Variants in VPS8 observed in about 807,000 individuals in gnomAD.
VPS8 encodes the protein vacuolar protein sorting-associated protein 8 homolog.
In VPS8, 129 loss-of-function variants were observed where a neutral mutation model predicts 216.4. The ratio of observed to expected loss-of-function variants is 0.60; its 90% confidence interval spans 0.52 to 0.69. The LOEUF (loss-of-function observed/expected upper bound fraction) is 0.69. Ranked by LOEUF, VPS8 falls within the 30% of genes least tolerant of loss-of-function variation. The pLI is 0.00. For synonymous variants in VPS8, 571 were observed against 565.4 expected, an observed-to-expected ratio of 1.01 and a Z score of -0.14; for missense variants, 1,531 against 1,683.5, an observed-to-expected ratio of 0.91 and a Z score of 1.59.
chr3:184,918,314 A>G (rs967387551), intron 28 of VPS8, among the ~76,000 whole-genome samples: 2 of 152,224 alleles, frequency 1.3e-5, no homozygotes, highest in Non-Finnish European at 2.9e-5. Context: ...TTTTTGAAGT[A>G]CTACAAAAAT....
intron 46 of VPS8, among the ~76,000 whole-genome samples, chr3:185,034,622 TTG>T (rs1758630578): frequency 8.5e-5 from 13 of 152,128 alleles, no homozygotes; most frequent in Admixed American, 4.6e-4. Flanking sequence ...GTTGTTGTTG[TTG>T]TTGTTGTTGT....
At chr3:184,996,185 T>C (rs1295192932) in intron 43 of VPS8, 147 bp from the exon 44 acceptor site, 1 of 965,152 alleles carries the variant, frequency 1.0e-6, no homozygotes, top group African/African-American at 1.6e-5. Flanking sequence ...TGTTTTTTTG[T>C]TTCAACAATG....
At chr3:184,865,770 C>T (rs1023045310) in intron 16 of VPS8, among the ~76,000 whole-genome samples, 5 of 152,024 alleles carry the variant, frequency 3.3e-5, no homozygotes, top group Admixed American at 1.3e-4. Flanking sequence ...GGAGGATCAC[C>T]TGAGGTCAGG....
intron 24 of VPS8, 66 bp from the exon 25 acceptor site, chr3:184,900,855 A>G (rs978553048): frequency 1.4e-6 from 2 of 1,400,056 alleles, no homozygotes; most frequent in Admixed American, 2.1e-5. Flanking sequence ...ATAGCATAAG[A>G]TTCTTATTTT....
In VPS8 at chr3:184,855,853, C is replaced by A. The variant is rs767541675; in HGVS notation, c.1143+35C>A. 33 of 1,532,504 alleles carry A rather than the reference C, an allele frequency of 2.2e-5. No individual in the cohort carries two copies. In the East Asian group the frequency reaches 6.9e-4, roughly 32 times the overall value. 94.9% of individuals were successfully genotyped at this position (1,532,504 alleles called of 1,614,324 possible). On this transcript the variant is annotated intron_variant, in intron 14 of 47. Coordinates refer to ENST00000625842, the MANE Select transcript of VPS8 (RefSeq NM_001009921.3). ...AATATGACCATTAGAAAGCCTCTTA[C>A]AATTTTTTTTATTCATCAGCAATTA...
intron 14 of VPS8, among the ~76,000 whole-genome samples, chr3:184,859,124 TAATCGTTGA>T (rs1028834856): frequency 1.4e-4 from 21 of 152,218 alleles, no homozygotes; most frequent in African/African-American, 4.8e-4. Context: ...TTTCTGCTGT[TAATCGTTGA>T]TCTCTTTCAA....
intron 2 of VPS8, 120 bp downstream of exon 2, chr3:184,824,905 ATTTTTT>A (rs71298576): frequency 1.8e-5 from 12 of 681,590 alleles, no homozygotes; most frequent in Non-Finnish European, 2.5e-5. Context: ...TCTGTGTATA[ATTTTTT>A]TTTTTTTTTT....
intron 21 of VPS8, among the ~76,000 whole-genome samples, chr3:184,875,558 G>A (rs188991172): frequency 6.6e-5 from 10 of 152,068 alleles, no homozygotes; most frequent in African/African-American, 2.2e-4. Context: ...CCTCATATGC[G>A]TTTATATATG....
Position 184,953,353 on chromosome 3 carries a change from G to A in VPS8, c.3036-4021G>A, listed in dbSNP as rs766395343. 6.4e-4 allele frequency among the ~76,000 whole-genome samples: 97 copies of A among 152,286 alleles called. 2 individuals carry two copies. Among genetic ancestry groups the A allele is most frequent in the Non-Finnish European group, 5.6e-4 (38 of 68,024 alleles). On this transcript the variant is annotated intron_variant, in intron 36 of 47. Transcript: ENST00000625842. ...TTATACATTGATTTGGCTTAAAAAGGTGGGATATCTTGAAGTGGGGGTCCT... is the reference window on the plus strand; with the variant it reads ...TTATACATTGATTTGGCTTAAAAAGATGGGATATCTTGAAGTGGGGGTCCT...
chr3:184,923,637 A>G (rs1004133759), intron 29 of VPS8, among the ~76,000 whole-genome samples: 13 of 152,186 alleles, frequency 8.5e-5, no homozygotes, highest in Admixed American at 2.0e-4. Context: ...TACATTCTAG[A>G]TTCCTTAGGA....
intron 40 of VPS8, among the ~76,000 whole-genome samples, chr3:184,981,590 C>A (rs185972351): frequency 2.8e-4 from 43 of 152,020 alleles, no homozygotes; most frequent in Non-Finnish European, 4.7e-4. Context: ...CCTGCCACCA[C>A]GCCTGGCTAA....
chr3:184,813,204 C>T (rs777727736), intron 1 of VPS8, among the ~76,000 whole-genome samples: 14 of 152,100 alleles, frequency 9.2e-5, no homozygotes, highest in African/African-American at 2.7e-4. Flanking sequence ...AAGCAGGCCC[C>T]CTCCACTTCT....
chr3:184,941,926 G>A (rs1742780524), intron 36 of VPS8, among the ~76,000 whole-genome samples: 1 of 151,798 alleles, frequency 6.6e-6, no homozygotes, highest in African/African-American at 2.4e-5. Flanking sequence ...AACAGTATTA[G>A]GTAATGTAAA....
intron 46 of VPS8, among the ~76,000 whole-genome samples, chr3:185,045,164 T>C (rs1002468715): frequency 2.1e-4 from 9 of 42,278 alleles, no homozygotes; most frequent in African/African-American, 9.6e-4. Context: ...TCCACCTTCA[T>C]TGCCACCAGT....
intron 39 of VPS8, among the ~76,000 whole-genome samples, chr3:184,969,786 C>T (rs1251261018): frequency 2.0e-5 from 3 of 151,654 alleles, no homozygotes; most frequent in African/African-American, 7.3e-5. Flanking sequence ...GAAGAGCATT[C>T]CCCCAAAATC....
In VPS8 at chr3:184,971,747, C is replaced by A. The variant is rs368087744; in HGVS notation, c.3415C>A (p.Arg1139Ser). The A allele has an allele frequency of 3.1e-6, 5 of 1,612,024 alleles. No homozygotes were observed. The African/African-American group carries it at 6.7e-5, about 22-fold the overall frequency. The change falls in exon 40 of 48, where the codon CGT (arginine) becomes AGT (serine). Residue 1139 changes from arginine (R) to serine (S), a missense_variant. Arg to Ser is a moderately radical substitution (Grantham distance 110). Around this residue, in one of 3 missense-constraint regions of VPS8, gnomAD observed 1,318 missense variants for 1,468.4 expected, o/e 0.90. Transcript: ENST00000625842. ...TTCACATAATTTGAACCAGCAGCAA[C>A]GTGAGGTAGGAGAATGACTGTTTAG... ...RNSHNLNQQQ[R>S]EALWFPLLEA...
At chr3:184,860,411 A>G (rs1560422726) in intron 15 of VPS8, among the ~76,000 whole-genome samples, 1 of 151,154 alleles carries the variant, frequency 6.6e-6, no homozygotes, top group African/African-American at 2.4e-5. Context: ...ATACGTATAT[A>G]TGTATATATA....
intron 30 of VPS8, among the ~76,000 whole-genome samples, chr3:184,925,934 C>G (rs980725179): frequency 1.3e-5 from 2 of 151,088 alleles, no homozygotes; most frequent in Non-Finnish European, 3.0e-5. Flanking sequence ...CCACCACGCC[C>G]GGCTAATTTC....
At chr3:184,851,342 A>C (rs1335889881) in intron 10 of VPS8, among the ~76,000 whole-genome samples, 5 of 152,200 alleles carry the variant, frequency 3.3e-5, no homozygotes, top group Non-Finnish European at 5.9e-5. Flanking sequence ...ATAGGATTGA[A>C]TATTTCTGAA....
Sources: allele counts gnomAD v4.1 joint callset (sites outside exome capture counted in the v4.1 genomes callset), GRCh38; gene constraint gnomAD v4.1.1; regional missense constraint gnomAD v4.1.1; transcripts MANE v1.5; gene names NCBI Gene and HGNC (gene_info 2026-07-23, HGNC 2026-07-21).